CSMD1: variants seen among roughly 807,000 people sequenced by gnomAD.
CSMD1 encodes CUB and Sushi multiple domains 1.
CSMD1 carries 213 observed loss-of-function variants against 417.5 expected under a neutral mutation model. The observed-to-expected ratio is 0.51, with a 90% confidence interval of 0.46 to 0.57. CSMD1 has a LOEUF of 0.57. Among genes scored for constraint, CSMD1 ranks in the 20% least tolerant of loss-of-function variants. The probability of loss-of-function intolerance (pLI) is 0.00; values close to 1 mark genes in which losing one functional copy is unlikely to be tolerated. For missense variants in CSMD1, 6,923 were observed against 4,529.7 expected (o/e 1.53, Z -15.17); for synonymous variants, 2,862 against 1,736.8 (o/e 1.65, Z -16.11).
At chr8:3,874,116 C>T (rs1805659172) in intron 5 of CSMD1, among the ~76,000 whole-genome samples, 1 of 152,204 alleles carries the variant, frequency 6.6e-6, no homozygotes, top group African/African-American at 2.4e-5. Flanking sequence ...ACTGCCCTCT[C>T]TCCAGGAGGC....
chr8:4,460,187 T>G (rs1046541834), intron 2 of CSMD1, among the ~76,000 whole-genome samples: 3 of 151,966 alleles, frequency 2.0e-5, no homozygotes, highest in African/African-American at 7.3e-5. Context: ...TGCAAGAAAA[T>G]TAGAATTTGA....
intron 8 of CSMD1, among the ~76,000 whole-genome samples, chr8:3,598,554 G>T (rs931201): frequency 0.16 from 23,828 of 152,028 alleles, 2,193 homozygotes; most frequent in East Asian, 0.32. Context: ...CTTCCTCTAC[G>T]CTCTGTCTAC....
chr8:4,398,367 T>C (rs559413085), intron 3 of CSMD1, among the ~76,000 whole-genome samples: 62 of 150,858 alleles, frequency 4.1e-4, no homozygotes, highest in African/African-American at 1.5e-3. Context: ...ATCCTCTTTT[T>C]AAATTGTCTT....
intron 26 of CSMD1, among the ~76,000 whole-genome samples, chr8:3,260,251 G>C (rs73187504): frequency 0.092 from 13,945 of 152,032 alleles, 874 homozygotes; most frequent in Non-Finnish European, 0.13. Context: ...TTTTCTCAAA[G>C]TTGCTCTTCA....
chr8:3,304,104 G>T (rs1252385655), intron 25 of CSMD1, among the ~76,000 whole-genome samples: 1 of 152,084 alleles, frequency 6.6e-6, no homozygotes, highest in Admixed American at 6.6e-5. Context: ...TATTTTCCAA[G>T]ATCCGGCTGT....
intron 36 of CSMD1, chr8:3,182,892 G>GTAT (rs1821480624): frequency 7.0e-6 from 1 of 143,656 alleles, no homozygotes; most frequent in East Asian, 2.1e-4. Flanking sequence ...GTGTGTGTGT[G>GTAT]TGTGTATTGT....
At position 3,765,665 on chromosome 8, in the gene CSMD1, G is replaced by C. The variant is rs370354382; in HGVS notation, c.819-11623C>G. On this transcript the variant is annotated intron_variant, in intron 5 of 69. Coordinates refer to ENST00000635120, the MANE Select transcript of CSMD1 (RefSeq NM_033225.6). ...GATGATAAAGCATTAAGAACAGTAAGAGAATGCTGCTCTTGTCCTCTCATG... is the reference window on the plus strand; with the variant it reads ...GATGATAAAGCATTAAGAACAGTAACAGAATGCTGCTCTTGTCCTCTCATG... Among the ~76,000 whole-genome samples, 7 of 152,354 alleles carry C rather than the reference G, an allele frequency of 4.6e-5. No homozygotes were observed. In the South Asian group the frequency reaches 1.0e-3, roughly 23 times the overall value.
chr8:3,249,599 T>TACAC (rs36055410), intron 26 of CSMD1, among the ~76,000 whole-genome samples: 3 of 151,990 alleles, frequency 2.0e-5, no homozygotes, highest in Non-Finnish European at 2.9e-5. Context: ...ATCGTATAAA[T>TACAC]ACACACACAC....
intron 46 of CSMD1, among the ~76,000 whole-genome samples, chr8:3,100,179 G>A (rs1029610321): frequency 6.6e-6 from 1 of 152,070 alleles, no homozygotes; most frequent in Non-Finnish European, 1.5e-5. Flanking sequence ...AGCTGCCCGA[G>A]TAGCTGGGAC....
intron 1 of CSMD1, among the ~76,000 whole-genome samples, chr8:4,805,700 C>G (rs1016229892): frequency 6.6e-6 from 1 of 152,186 alleles, no homozygotes; most frequent in African/African-American, 2.4e-5. Context: ...GATGACAGAA[C>G]AGACCTCATA....
chr8:3,044,933 T>A (rs528310593), intron 50 of CSMD1, among the ~76,000 whole-genome samples: 2 of 152,226 alleles, frequency 1.3e-5, no homozygotes, highest in South Asian at 4.1e-4. Flanking sequence ...GGACATTTAA[T>A]GGTAACCAAA....
At chr8:3,866,597 G>A (rs1047039571) in intron 5 of CSMD1, among the ~76,000 whole-genome samples, 1 of 152,056 alleles carries the variant, frequency 6.6e-6, no homozygotes, top group African/African-American at 2.4e-5. Context: ...ACACCTTATA[G>A]TCTCTTCTTT....
At chr8:3,809,503 T>A (rs1290150941) in intron 5 of CSMD1, among the ~76,000 whole-genome samples, 1 of 152,212 alleles carries the variant, frequency 6.6e-6, no homozygotes, top group Admixed American at 6.5e-5. Context: ...AGTTTCCTTT[T>A]AATTGGGTCA....
intron 11 of CSMD1, among the ~76,000 whole-genome samples, chr8:3,485,884 G>C (rs965867951): frequency 2.6e-5 from 4 of 152,062 alleles, no homozygotes; most frequent in Admixed American, 6.6e-5. Context: ...TGAATATCCT[G>C]GTTGTGACAT....
intron 4 of CSMD1, among the ~76,000 whole-genome samples, chr8:4,020,441 G>T (rs1012013180): frequency 6.6e-6 from 1 of 152,186 alleles, no homozygotes; most frequent in African/African-American, 2.4e-5. Flanking sequence ...ATGCTCTATT[G>T]ATATTATAGG....
At chr8:4,107,201 T>A (rs1441967122) in intron 3 of CSMD1, among the ~76,000 whole-genome samples, 1 of 152,188 alleles carries the variant, frequency 6.6e-6, no homozygotes. Context: ...TGAAAAACAC[T>A]TGCACTACTA....
chr8:4,275,026 T>G (rs949500994), intron 3 of CSMD1, among the ~76,000 whole-genome samples: 3 of 152,132 alleles, frequency 2.0e-5, no homozygotes, highest in African/African-American at 4.8e-5. Flanking sequence ...ATTTTTCCAT[T>G]GGTATCCCTT....
chr8:4,324,022 C>T (rs995857362), intron 3 of CSMD1, among the ~76,000 whole-genome samples: 13 of 152,254 alleles, frequency 8.5e-5, no homozygotes, highest in African/African-American at 3.1e-4. Context: ...ACAGCCACAC[C>T]CTTAGCAGGC....
intron 10 of CSMD1, among the ~76,000 whole-genome samples, chr8:3,534,808 C>T (rs1243442122): frequency 2.0e-5 from 3 of 152,208 alleles, no homozygotes; most frequent in African/African-American, 4.8e-5. Context: ...TCTCACACAA[C>T]ATTTTCTTTG....
Sources: allele counts gnomAD v4.1 joint callset (sites outside exome capture counted in the v4.1 genomes callset), GRCh38; gene constraint gnomAD v4.1.1; transcripts MANE v1.5; gene names NCBI Gene and HGNC (gene_info 2026-07-23, HGNC 2026-07-21).